Variants in CCDC171 observed in about 807,000 individuals in gnomAD.
CCDC171 encodes coiled-coil domain containing 171.
A neutral mutation model predicts 168.2 loss-of-function variants in CCDC171; 177 were observed. That is an observed-to-expected ratio of 1.05 (90% CI 0.93 to 1.19). The LOEUF (loss-of-function observed/expected upper bound fraction) is 1.19, where lower values mean the gene tolerates loss of function less well. Among genes scored for constraint, CCDC171 ranks in the 50% most tolerant of loss-of-function variants. CCDC171 has a pLI of 0.00. For missense variants in CCDC171, 1,991 were observed against 1,539.0 expected (o/e 1.29, Z -4.91); for synonymous variants, 687 against 540.8 (o/e 1.27, Z -3.75).
chr9:15,721,258 A>G (rs1032668852), intron 11 of CCDC171, among the ~76,000 whole-genome samples: 2 of 152,152 alleles, frequency 1.3e-5, no homozygotes, highest in African/African-American at 2.4e-5. Context: ...ATAACAGAAA[A>G]TTATATACTC....
chr9:15,570,182 G>T (rs969056120), intron 2 of CCDC171, among the ~76,000 whole-genome samples: 3 of 151,984 alleles, frequency 2.0e-5, no homozygotes, highest in Non-Finnish European at 4.4e-5. Flanking sequence ...TGTTGGCCAG[G>T]CTGGTCTTGA....
At chr9:16,097,079 T>C in the CCDC171 span, among the ~76,000 whole-genome samples, 5 of 152,146 alleles carry the variant, frequency 3.3e-5, no homozygotes, top group African/African-American at 9.7e-5. Flanking sequence ...GAAGGCACGA[T>C]GCAAAATGGA....
rs138164929 is a variant in CCDC171 at position 15,805,697 on chromosome 9, G to A, written c.3267+21003G>A. 1.0e-3 allele frequency among the ~76,000 whole-genome samples: 153 copies of A among 152,278 alleles called. 2 individuals carry two copies. The highest frequency in any genetic ancestry group is 3.4e-3 in the African/African-American group (140 of 41,568). The stretch of plus-strand genomic sequence containing the variant: ...GTGATTGATTTTAAGTAAGTGCTGT[G>A]TGGAGATGAGAAGACTGTATATTCT... On this transcript the variant is annotated intron_variant, in intron 21 of 25. Coordinates refer to ENST00000380701, the MANE Select transcript of CCDC171 (RefSeq NM_173550.4).
rs773731281 is a variant in CCDC171 at position 15,874,571 on chromosome 9, A to G, written c.3508A>G (p.Arg1170Gly). Residue 1170 changes from arginine (R) to glycine (G), a missense_variant, in exon 24 of 26, where the codon AGG becomes GGG. Physicochemically the swap from Arg to Gly is moderately radical, Grantham distance 125 (BLOSUM62 -2). Transcript: ENST00000380701. ...CTCGCTGTCATGGTCTGCGGCAAGT[A>G]GGAATGACTTCACCCTACAGCTACC... ...QISLSWSAAS[R>G]NDFTLQLPKL... 1 of 1,608,394 alleles carries G rather than the reference A, an allele frequency of 6.2e-7. No homozygotes were observed. The highest frequency in any genetic ancestry group is 2.3e-5 in the East Asian group (1 of 44,406).
chr9:15,682,949 T>C (rs1460778990), intron 10 of CCDC171, among the ~76,000 whole-genome samples: 2 of 152,038 alleles, frequency 1.3e-5, no homozygotes, highest in Non-Finnish European at 2.9e-5. Context: ...CAGATCCAGC[T>C]GGGTCTTTTA....
chr9:15,913,958 G>T (rs1824098574), intron 24 of CCDC171, among the ~76,000 whole-genome samples: 1 of 152,198 alleles, frequency 6.6e-6, no homozygotes, highest in South Asian at 2.1e-4. Context: ...GTTTGCCTAG[G>T]TATCACCAAC....
At chr9:15,875,002 G>T in intron 24 of CCDC171, 1 of 161,090 alleles carries the variant, frequency 6.2e-6, no homozygotes, top group Non-Finnish European at 1.3e-5. Flanking sequence ...TCAATTTGTT[G>T]CTTTTATTGT....
At chr9:15,952,848 A>T (rs1368146715) in intron 25 of CCDC171, among the ~76,000 whole-genome samples, 1 of 152,106 alleles carries the variant, frequency 6.6e-6, no homozygotes, top group Non-Finnish European at 1.5e-5. Flanking sequence ...CATGTTTTTA[A>T]TGTCTTTCAG....
the CCDC171 span, among the ~76,000 whole-genome samples, chr9:16,081,346 G>A: frequency 6.6e-6 from 1 of 152,174 alleles, no homozygotes; most frequent in African/African-American, 2.4e-5. Flanking sequence ...TACTGGTCAG[G>A]GCTTAAGACA....
At chr9:16,078,553 GTGATT>G in the CCDC171 span, among the ~76,000 whole-genome samples, 1 of 152,186 alleles carries the variant, frequency 6.6e-6, no homozygotes, top group Admixed American at 6.5e-5. Flanking sequence ...GGAAGTTTTA[GTGATT>G]TGATTTGACA....
intron 23 of CCDC171, among the ~76,000 whole-genome samples, chr9:15,860,358 T>C (rs1476933292): frequency 1.3e-5 from 2 of 151,806 alleles, no homozygotes; most frequent in African/African-American, 4.8e-5. Flanking sequence ...AATTAAATCG[T>C]TTATGCGACA....
intron 25 of CCDC171, among the ~76,000 whole-genome samples, chr9:15,932,739 G>C (rs1170766432): frequency 6.6e-6 from 1 of 151,818 alleles, no homozygotes; most frequent in African/African-American, 2.4e-5. Context: ...GTTAGTTATG[G>C]GTTTCCCATA....
chr9:15,841,740 A>G (rs1045149315), intron 21 of CCDC171, among the ~76,000 whole-genome samples: 1 of 151,920 alleles, frequency 6.6e-6, no homozygotes, highest in Non-Finnish European at 1.5e-5. Flanking sequence ...CTAATTGTTT[A>G]TCTTACAGAT....
intron 7 of CCDC171, among the ~76,000 whole-genome samples, chr9:15,644,770 G>A (rs1030089678): frequency 5.3e-5 from 8 of 152,186 alleles, no homozygotes; most frequent in East Asian, 1.9e-4. Context: ...GGAGCCCACC[G>A]CAGCCCAAGG....
intron 6 of CCDC171, among the ~76,000 whole-genome samples, chr9:15,618,883 G>T (rs1476131948): frequency 1.3e-5 from 2 of 151,732 alleles, no homozygotes; most frequent in African/African-American, 4.8e-5. Context: ...ACCTCAGTTG[G>T]AAATGCAGAA....
chr9:15,986,401 A>C (rs1374175840), intron 3 of CCDC171, among the ~76,000 whole-genome samples: 2 of 152,168 alleles, frequency 1.3e-5, no homozygotes, highest in African/African-American at 4.8e-5. Flanking sequence ...CTGCAGAGGG[A>C]TGCCATAAGA....
Position 15,818,711 on chromosome 9 carries a change from G to C in CCDC171, c.3268-27991G>C, listed in dbSNP as rs1326161534. Among the ~76,000 whole-genome samples, 2 of 118,034 alleles carry C rather than the reference G, an allele frequency of 1.7e-5. 1 individual carries two copies. Among genetic ancestry groups the C allele is most frequent in the East Asian group, 4.2e-4 (2 of 4,712 alleles). 77.4% of individuals were successfully genotyped at this position (118,034 alleles called of 152,430 possible). ...GACTATGTGGAAAGACCACATCTAC[G>C]TCTGATTGGTGTACCTGAAAGTGAC... On this transcript the variant is annotated intron_variant, in intron 21 of 25. Coordinates refer to ENST00000380701, the MANE Select transcript of CCDC171 (RefSeq NM_173550.4).
At chr9:15,751,439 C>T (rs1010851253) in intron 18 of CCDC171, among the ~76,000 whole-genome samples, 4 of 152,080 alleles carry the variant, frequency 2.6e-5, no homozygotes, top group East Asian at 3.9e-4. Context: ...AAATTTCATA[C>T]GGAACCAAGA....
chr9:15,842,478 T>G (rs528747073), intron 21 of CCDC171, among the ~76,000 whole-genome samples: 2 of 152,216 alleles, frequency 1.3e-5, no homozygotes, highest in East Asian at 3.9e-4. Context: ...CAAAAATCAT[T>G]TCTAAACAGA....
Sources: allele counts gnomAD v4.1 joint callset (sites outside exome capture counted in the v4.1 genomes callset), GRCh38; gene constraint gnomAD v4.1.1; transcripts MANE v1.5; gene names NCBI Gene and HGNC (gene_info 2026-07-23, HGNC 2026-07-21).